The following LRFN5 variants were observed in gnomAD, a reference collection of about 807,000 sequenced individuals.
The protein encoded by LRFN5 is leucine-rich repeat and fibronectin type-III domain-containing protein 5.
In LRFN5, 24 loss-of-function variants were observed where a neutral mutation model predicts 45.6. The ratio of observed to expected loss-of-function variants is 0.53; its 90% CI spans 0.38 to 0.74. The LOEUF (loss-of-function observed/expected upper bound fraction) is 0.74. Ranked by LOEUF, LRFN5 falls within the 30% of genes least tolerant of loss-of-function variation. The pLI, the probability that LRFN5 is intolerant of heterozygous loss-of-function variation, is 0.00. For synonymous variants in LRFN5, 340 were observed against 313.8 expected (o/e 1.08, Z -0.88); for missense variants, 776 against 861.5 (o/e 0.90, Z 1.24).
At chr14:41,666,745 A>C (rs754324244) in intron 1 of LRFN5, among the ~76,000 whole-genome samples, 1 of 152,114 alleles carries the variant, frequency 6.6e-6, no homozygotes, top group African/African-American at 2.4e-5. Flanking sequence ...TGGAATATGA[A>C]GTTCTTTGGA....
intron 2 of LRFN5, among the ~76,000 whole-genome samples, chr14:41,835,910 TTTC>T (rs1018500007): frequency 1.3e-3 from 193 of 150,368 alleles, no homozygotes; most frequent in African/African-American, 4.5e-3. Flanking sequence ...ATAAAAAGTT[TTTC>T]TTTTCTTTTT....
At chr14:41,864,834 A>G (rs1280833857) in intron 2 of LRFN5, among the ~76,000 whole-genome samples, 2 of 151,628 alleles carry the variant, frequency 1.3e-5, no homozygotes, top group Non-Finnish European at 2.9e-5. Context: ...TTCCCTTGGG[A>G]TAATGAAAAG....
At chr14:41,772,271 G>A (rs968512151) in intron 2 of LRFN5, among the ~76,000 whole-genome samples, 1 of 152,108 alleles carries the variant, frequency 6.6e-6, no homozygotes, top group Non-Finnish European at 1.5e-5. Flanking sequence ...CAACACTGGG[G>A]ATTACGTTGC....
Position 41,620,208 on chromosome 14 carries a change from A to G in LRFN5, c.-197+11646A>G, listed in dbSNP as rs561883060. ...AGATTGATACAGAAATTGTTAAAAA[A>G]ATAATTAAAATAAAAGCAAACTTTC... On this transcript the variant is annotated intron_variant, in intron 1 of 5. Coordinates refer to ENST00000298119, the MANE Select transcript of LRFN5 (RefSeq NM_152447.5). 4.3e-4 allele frequency among the ~76,000 whole-genome samples: 66 copies of G among 152,208 alleles called. 1 individual carries two copies. Among genetic ancestry groups the G allele is most frequent in the African/African-American group, 1.5e-3 (62 of 41,562 alleles).
Position 41,894,832 on chromosome 14 carries a change from C to G in LRFN5, c.2098+2870C>G, listed in dbSNP as rs926692409. 6.1e-6 allele frequency: 6 copies of G among 980,502 alleles called. No individual in the cohort carries two copies. In the African/African-American group the frequency reaches 1.1e-4, roughly 17 times the overall value. 60.7% of individuals were successfully genotyped at this position (980,502 alleles called of 1,614,324 possible). On this transcript the variant is annotated intron_variant, in intron 4 of 5. Coordinates refer to ENST00000298119, the MANE Select transcript of LRFN5 (RefSeq NM_152447.5). ...TATCTAAATATTATATTACCATAAGCAACAAATTCTCTGTCCTTTTCTTGT... is the reference window on the plus strand; with the variant it reads ...TATCTAAATATTATATTACCATAAGGAACAAATTCTCTGTCCTTTTCTTGT...
chr14:41,681,785 A>G (rs888147752), intron 1 of LRFN5, among the ~76,000 whole-genome samples: 4 of 143,776 alleles, frequency 2.8e-5, no homozygotes, highest in Non-Finnish European at 3.0e-5. Flanking sequence ...CTACTCTTTT[A>G]TTTTATTTTA....
intron 2 of LRFN5, among the ~76,000 whole-genome samples, chr14:41,774,519 A>T (rs934641153): frequency 2.6e-5 from 4 of 152,174 alleles, no homozygotes; most frequent in Admixed American, 1.3e-4. Flanking sequence ...AAATGCTAAC[A>T]TAATATTACT....
intron 2 of LRFN5, among the ~76,000 whole-genome samples, chr14:41,849,132 A>C (rs567168958): frequency 8.5e-5 from 13 of 152,150 alleles, no homozygotes; most frequent in African/African-American, 3.1e-4. Context: ...AATTCTATAC[A>C]TTCTTACACT....
At chr14:41,826,117 TGAA>T (rs1888286313) in intron 2 of LRFN5, among the ~76,000 whole-genome samples, 2 of 152,208 alleles carry the variant, frequency 1.3e-5, no homozygotes, top group Admixed American at 1.3e-4. Flanking sequence ...TCATCAATCT[TGAA>T]ATGATCTCAC....
At chr14:41,697,918 T>C (rs1263796351) in intron 1 of LRFN5, among the ~76,000 whole-genome samples, 2 of 152,014 alleles carry the variant, frequency 1.3e-5, no homozygotes, top group East Asian at 3.9e-4. Context: ...ATAGAAGAAG[T>C]AGGCTATGTC....
At chr14:41,787,564 G>T (rs755986333) in intron 2 of LRFN5, among the ~76,000 whole-genome samples, 1 of 151,216 alleles carries the variant, frequency 6.6e-6, no homozygotes, top group East Asian at 2.0e-4. Flanking sequence ...AGTCTCTTCA[G>T]TAGAGGTAGA....
intron 1 of LRFN5, among the ~76,000 whole-genome samples, chr14:41,711,537 A>G (rs1046522672): frequency 6.6e-6 from 1 of 152,236 alleles, no homozygotes; most frequent in Non-Finnish European, 1.5e-5. Context: ...AAATCTCCCC[A>G]TCATGTAGAA....
At chr14:41,822,244 T>C (rs368517333) in intron 2 of LRFN5, among the ~76,000 whole-genome samples, 23 of 152,142 alleles carry the variant, frequency 1.5e-4, no homozygotes, top group African/African-American at 5.3e-4. Context: ...TGAGGTGTAA[T>C]GTGAACTTGT....
At position 41,804,666 on chromosome 14, in the gene LRFN5, A is replaced by T. The variant is rs542281674; in HGVS notation, c.-21+37637A>T. Among the ~76,000 whole-genome samples the T allele has an allele frequency of 3.9e-5, 6 of 152,288 alleles. No homozygotes were observed. The South Asian group carries it at 1.0e-3, about 26-fold the overall frequency. On this transcript the variant is annotated intron_variant, in intron 2 of 5. Coordinates refer to ENST00000298119, the MANE Select transcript of LRFN5 (RefSeq NM_152447.5). Reference sequence around the variant, plus strand: ...AGTTAGCTTGACCCAAGCCCTGGAAAGACTAAGAGAATTTTAGAGGTTAAA... The same window carrying T: ...AGTTAGCTTGACCCAAGCCCTGGAATGACTAAGAGAATTTTAGAGGTTAAA...
intron 1 of LRFN5, among the ~76,000 whole-genome samples, chr14:41,622,944 A>T (rs1888186072): frequency 6.6e-6 from 1 of 152,130 alleles, no homozygotes. Context: ...AGCTTATATG[A>T]GACAAAAACG....
chr14:41,865,906 G>A (rs1889823509), intron 2 of LRFN5, among the ~76,000 whole-genome samples: 1 of 151,974 alleles, frequency 6.6e-6, no homozygotes, highest in Non-Finnish European at 1.5e-5. Flanking sequence ...TAATCTGTTG[G>A]TCTTCCTATT....
At chr14:41,896,263 C>G (rs1000916411) in intron 4 of LRFN5, among the ~76,000 whole-genome samples, 1 of 152,126 alleles carries the variant, frequency 6.6e-6, no homozygotes, top group Non-Finnish European at 1.5e-5. Flanking sequence ...ACAGCAAATG[C>G]AAGTCATTGT....
chr14:41,856,219 AC>A (rs1889446771), intron 2 of LRFN5, among the ~76,000 whole-genome samples: 1 of 152,244 alleles, frequency 6.6e-6, no homozygotes, highest in Non-Finnish European at 1.5e-5. Flanking sequence ...AATGATCCAG[AC>A]AGTAAACAAA....
At chr14:41,727,477 T>A (rs112335670) in intron 1 of LRFN5, among the ~76,000 whole-genome samples, 3,153 of 151,828 alleles carry the variant, frequency 0.021, 119 homozygotes, top group African/African-American at 0.072. Context: ...AGAAAAAAAA[T>A]TAGCCAGTCA....
Sources: gnomAD v4.1 joint callset for allele counts (sites outside exome capture counted in the v4.1 genomes callset) on GRCh38, gnomAD v4.1.1 for gene constraint, MANE v1.5 for transcripts, NCBI Gene and HGNC (gene_info 2026-07-23, HGNC 2026-07-21) for gene names.